RECK: variants seen among roughly 807,000 people sequenced by gnomAD.
RECK encodes reversion inducing cysteine rich protein with kazal motifs.
A neutral mutation model predicts 115.1 loss-of-function variants in RECK; 69 were observed. That is an observed-to-expected ratio of 0.60 (90% confidence interval 0.49 to 0.73). The LOEUF (loss-of-function observed/expected upper bound fraction) is 0.73, where lower values mean the gene tolerates loss of function less well. RECK is among the 30% of genes least tolerant of loss of function. RECK has a pLI of 0.00. For synonymous variants in RECK, 414 were observed against 419.7 expected, an observed-to-expected ratio of 0.99 and a Z score of 0.17; for missense variants, 1,047 against 1,203.7, an observed-to-expected ratio of 0.87 and a Z score of 1.93.
At chr9:36,069,598 A>G (rs1822148566) in intron 6 of RECK, among the ~76,000 whole-genome samples, 1 of 152,176 alleles carries the variant, frequency 6.6e-6, no homozygotes, top group African/African-American at 2.4e-5. Context: ...GTTTAGGTAC[A>G]GCAAAGAAAG....
chr9:36,109,905 T>G, intron 14 of RECK, 52 bp from the exon 15 acceptor site: 1 of 1,512,250 alleles, frequency 6.6e-7, no homozygotes, highest in Non-Finnish European at 9.1e-7. Flanking sequence ...TAATACGTGC[T>G]CTATTTCTCA....
chr9:36,083,720 A>T (rs1822827112), intron 8 of RECK, among the ~76,000 whole-genome samples, 158 bp downstream of exon 8: 1 of 152,202 alleles, frequency 6.6e-6, no homozygotes, highest in African/African-American at 2.4e-5. Flanking sequence ...ATATTGTCAC[A>T]GCCAAAAGGG....
chr9:36,086,448 C>T (rs139890601), intron 8 of RECK, among the ~76,000 whole-genome samples: 75 of 152,198 alleles, frequency 4.9e-4, no homozygotes, highest in Admixed American at 9.8e-4. Context: ...GGAGTGAAGC[C>T]GCAGACCTTC....
At chr9:36,118,427 G>A (rs570927502) in intron 17 of RECK, among the ~76,000 whole-genome samples, 7 of 150,468 alleles carry the variant, frequency 4.7e-5, no homozygotes, top group African/African-American at 1.5e-4. Flanking sequence ...TTAAAGAGGC[G>A]CTTCTGGGAT....
At chr9:36,051,180 C>T (rs1821286189) in intron 1 of RECK, among the ~76,000 whole-genome samples, 2 of 152,108 alleles carry the variant, frequency 1.3e-5, no homozygotes, top group Admixed American at 1.3e-4. Flanking sequence ...TTCCCTGTTT[C>T]TTTCCAGGGA....
rs1407462816 is a variant in RECK at position 36,056,806 on chromosome 9, CT to C, written c.160-2016del. On this transcript the variant is annotated intron_variant, in intron 2 of 20. Transcript: ENST00000377966. ...TTTAAGTCTTCCCCCAAAAATGTCT[CT>C]TTTTGTGATGTTAACAGTCATTGTG... 5.9e-5 allele frequency among the ~76,000 whole-genome samples: 9 copies of C among 152,284 alleles called. No individual in the cohort carries two copies. The South Asian group carries it at 1.7e-3, about 28-fold the overall frequency.
At chr9:36,082,152 T>TCTCTCTCTCTCTCTCTCTC (rs1822728438) in intron 7 of RECK, among the ~76,000 whole-genome samples, 1 of 113,714 alleles carries the variant, frequency 8.8e-6, no homozygotes, top group African/African-American at 3.2e-5. Context: ...CCTCCCTGCT[T>TCTCTCTCTCTCTCTCTCTC]TCTCTCTCTC....
intron 5 of RECK, 72 bp from the exon 6 acceptor site, chr9:36,065,505 A>C: frequency 8.5e-7 from 1 of 1,174,392 alleles, no homozygotes. Context: ...AACAAATGCT[A>C]ATTTATGTTC....
At chr9:36,064,346 T>G (rs1821905335) in intron 5 of RECK, among the ~76,000 whole-genome samples, 1 of 152,236 alleles carries the variant, frequency 6.6e-6, no homozygotes, top group Non-Finnish European at 1.5e-5. Context: ...ACTGAGTTAT[T>G]ACTTATCTTT....
chr9:36,122,411 AGTTGATTGATTAG>A (rs1216243520), intron 20 of RECK, among the ~76,000 whole-genome samples: 1 of 152,206 alleles, frequency 6.6e-6, no homozygotes, highest in African/African-American at 2.4e-5. Flanking sequence ...AAATGAAAAC[AGTTGATTGATTAG>A]GGCAGTGGCA....
At chr9:36,041,454 A>G (rs1305581129) in intron 1 of RECK, among the ~76,000 whole-genome samples, 1 of 152,208 alleles carries the variant, frequency 6.6e-6, no homozygotes, top group Admixed American at 6.5e-5. Context: ...GGACTTCAGA[A>G]GAGTCATTTG....
intron 6 of RECK, 88 bp downstream of exon 6, chr9:36,065,712 T>C: frequency 3.7e-6 from 4 of 1,087,122 alleles, no homozygotes; most frequent in Non-Finnish European, 4.9e-6. Flanking sequence ...ATGAATTTAT[T>C]TTTATACAAC....
At chr9:36,042,011 T>C (rs7018677) in intron 1 of RECK, among the ~76,000 whole-genome samples, 1 of 151,674 alleles carries the variant, frequency 6.6e-6, no homozygotes, top group South Asian at 2.1e-4. Context: ...GTGAGAGAAA[T>C]TTTTTTGTAC....
Position 36,100,512 on chromosome 9 carries a change from C to A in RECK, c.1267C>A (p.His423Asn). 1 of 1,613,836 alleles carries A rather than the reference C, an allele frequency of 6.2e-7. No individual in the cohort carries two copies. Among genetic ancestry groups the A allele is most frequent in the South Asian group, 1.1e-5 (1 of 91,008 alleles). The change falls in exon 11 of 21, where the codon CAT becomes AAT. Residue 423 changes from histidine (H) to asparagine (N), a missense_variant. Coordinates refer to ENST00000377966, the MANE Select transcript of RECK (RefSeq NM_021111.3). ...IACSLQIKPC[H>N]SKSRGSIICK... ...TTGTTCACTGCAGATTAAACCTTGT[C>A]ATAGTAAATCTCGGGGAAGTATTAT...
chr9:36,082,188 C>CTCTCTCTCTCTCTCTCTCTCTCTCT (rs1401784584), intron 7 of RECK, among the ~76,000 whole-genome samples: 3 of 146,600 alleles, frequency 2.0e-5, no homozygotes, highest in African/African-American at 7.7e-5. Flanking sequence ...CTCTCTCTCT[C>CTCTCTCTCTCTCTCTCTCTCTCTCT]CTTTTTTCTT....
At chr9:36,076,165 G>A (rs1471281573) in intron 6 of RECK, among the ~76,000 whole-genome samples, 1 of 152,228 alleles carries the variant, frequency 6.6e-6, no homozygotes. Context: ...CCATGACACT[G>A]CGTTGTGAGA....
chr9:36,037,091 C>A lies in RECK; in HGVS notation c.93C>A (p.Gly31=). 1 of 1,356,906 alleles carries A rather than the reference C, an allele frequency of 7.4e-7. No individual in the cohort carries two copies. Among genetic ancestry groups the A allele is most frequent in the Non-Finnish European group, 9.5e-7 (1 of 1,050,520 alleles). The allele number at this position is 1,356,906 out of a possible 1,614,324, so 84.1% of individuals were successfully genotyped here. The change falls in exon 1 of 21, where the codon GGC becomes GGA. Residue 31 remains glycine (G), a synonymous_variant. Coordinates refer to ENST00000377966, the MANE Select transcript of RECK (RefSeq NM_021111.3). ...AGGTGGCAGGGGGCCTGGCTCCGGGCAGTGCGGGTGAGTAACCTCCAGAGC... is the reference window on the plus strand; with the variant it reads ...AGGTGGCAGGGGGCCTGGCTCCGGGAAGTGCGGGTGAGTAACCTCCAGAGC... ...VAEVAGGLAP[G]SAGALCCNHS... is the part of the protein sequence containing the mutation.
chr9:36,096,923 T>TACACAC (rs3070850), intron 10 of RECK, among the ~76,000 whole-genome samples: 697 of 150,498 alleles, frequency 4.6e-3, no homozygotes, highest in Non-Finnish European at 7.1e-3. Flanking sequence ...GGTGTGTGCA[T>TACACAC]ACACACACAC....
intron 17 of RECK, among the ~76,000 whole-genome samples, chr9:36,117,548 A>G (rs764453526): frequency 2.6e-5 from 4 of 152,202 alleles, no homozygotes; most frequent in African/African-American, 4.8e-5. Flanking sequence ...AAACCAAGAA[A>G]AGTTTTCCCA....
Sources: allele counts gnomAD v4.1 joint callset (sites outside exome capture counted in the v4.1 genomes callset), GRCh38; gene constraint gnomAD v4.1.1; transcripts MANE v1.5; gene names NCBI Gene and HGNC (gene_info 2026-07-23, HGNC 2026-07-21).